Variants in SMIM31 observed in about 807,000 individuals in gnomAD.
The protein encoded by SMIM31 is human epithelial cell program regulator.
Position 164,798,256 on chromosome 4 carries a change from C to T in SMIM31, c.113-2835C>T, listed in dbSNP as rs557036945. 2.8e-4 allele frequency among the ~76,000 whole-genome samples: 42 copies of T among 147,706 alleles called. 1 individual carries two copies. In the South Asian group the frequency reaches 4.9e-3, roughly 17 times the overall value. ...TTTTTTTTTTTTATTTTTTTTGAGA[C>T]GGAGTCTCGCTCTGTCGCCCAGTCT... On this transcript the variant is annotated intron_variant, in intron 2 of 2. Transcript: ENST00000507311.
chr4:164,764,839 T>C (rs866379370), intron 1 of SMIM31, among the ~76,000 whole-genome samples: 65 of 152,190 alleles, frequency 4.3e-4, no homozygotes, highest in African/African-American at 1.5e-3. Flanking sequence ...AGGAGAACTT[T>C]TTAGTTCTGT....
chr4:164,773,481 T>C (rs1283695740), intron 2 of SMIM31, among the ~76,000 whole-genome samples: 1 of 152,134 alleles, frequency 6.6e-6, no homozygotes, highest in Non-Finnish European at 1.5e-5. Flanking sequence ...AACATGTCCT[T>C]CTTCATTTAG....
intron 2 of SMIM31, among the ~76,000 whole-genome samples, chr4:164,785,661 T>C (rs927663296): frequency 1.1e-4 from 17 of 151,920 alleles, no homozygotes; most frequent in African/African-American, 4.1e-4. Flanking sequence ...TATATATATA[T>C]ATATATCTTT....
chr4:164,774,083 A>G (rs1047448519), intron 2 of SMIM31, among the ~76,000 whole-genome samples: 14 of 151,140 alleles, frequency 9.3e-5, no homozygotes, highest in Admixed American at 2.6e-4. Context: ...GGAGAATGGC[A>G]TGAACCCGGG....
chr4:164,768,427 C>CAAAA (rs758951225), intron 1 of SMIM31, among the ~76,000 whole-genome samples: 1 of 94,716 alleles, frequency 1.1e-5, no homozygotes, highest in Non-Finnish European at 2.0e-5. Context: ...CAGTACATCT[C>CAAAA]AAAAAAAAAA....
chr4:164,764,511 G>A (rs372031162), intron 1 of SMIM31, among the ~76,000 whole-genome samples: 1,704 of 149,960 alleles, frequency 0.011, 47 homozygotes, highest in African/African-American at 0.038. Flanking sequence ...AGGTTGCAGT[G>A]AGCCAAGATC....
At chr4:164,762,733 C>T (rs146375792) in intron 1 of SMIM31, among the ~76,000 whole-genome samples, 79 of 150,852 alleles carry the variant, frequency 5.2e-4, no homozygotes, top group African/African-American at 1.8e-3. Flanking sequence ...AATCAGAGCG[C>T]ACAATGCTGC....
intron 1 of SMIM31, among the ~76,000 whole-genome samples, chr4:164,755,652 G>C (rs1272366359): frequency 6.7e-6 from 1 of 149,418 alleles, no homozygotes; most frequent in East Asian, 2.0e-4. Flanking sequence ...AGTATTATGG[G>C]ATATGCCTTG....
At position 164,803,422 on chromosome 4, in the gene SMIM31, A is replaced by G. The variant is rs12649759; in HGVS notation, c.*2228A>G. 0.76 allele frequency: 115,593 copies of G among 151,984 alleles called. 45,311 individuals are homozygous for G. Among genetic ancestry groups the G allele is most frequent in the Non-Finnish European group, 0.86 (58,770 of 68,020 alleles). 9.4% of individuals were successfully genotyped at this position (151,984 alleles called of 1,614,324 possible). A position where few individuals can be genotyped will look rare whatever the true frequency, so the allele number is the denominator to read the frequency against. ...TGAAAGAGAAGACCCTATCTCAAAA[A>G]ATAAAAAATTTTAAAAACCTGTCAA... On this transcript the variant is annotated 3_prime_UTR_variant, in exon 3 of 3. Transcript: ENST00000507311.
intron 2 of SMIM31, among the ~76,000 whole-genome samples, chr4:164,773,029 T>TAAAAAAAA (rs56863708): frequency 5.2e-5 from 4 of 76,670 alleles, no homozygotes; most frequent in African/African-American, 2.0e-4. Flanking sequence ...CACTTGGCTT[T>TAAAAAAAA]AAAAAAAAAA....
intron 1 of SMIM31, among the ~76,000 whole-genome samples, chr4:164,760,898 G>A (rs1468818884): frequency 6.6e-6 from 1 of 152,074 alleles, no homozygotes; most frequent in Non-Finnish European, 1.5e-5. Context: ...GAAATAAAGG[G>A]GGTGAGACAA....
At chr4:164,766,911 T>C (rs983968885) in intron 1 of SMIM31, among the ~76,000 whole-genome samples, 3 of 152,012 alleles carry the variant, frequency 2.0e-5, no homozygotes, top group African/African-American at 7.3e-5. Context: ...AGGTGGTGCT[T>C]GAACTGAAGA....
At chr4:164,760,568 TAA>T (rs557714327) in intron 1 of SMIM31, among the ~76,000 whole-genome samples, 5 of 141,482 alleles carry the variant, frequency 3.5e-5, no homozygotes, top group Admixed American at 7.1e-5. Flanking sequence ...CCAACTCTAC[TAA>T]AAAAAAAAAA....
chr4:164,773,629 C>A (rs113816727), intron 2 of SMIM31, among the ~76,000 whole-genome samples: 10 of 152,194 alleles, frequency 6.6e-5, no homozygotes, highest in African/African-American at 2.4e-4. Context: ...CACCTTGTCC[C>A]TCCCACAACA....
intron 2 of SMIM31, among the ~76,000 whole-genome samples, chr4:164,772,565 AT>A (rs918352897): frequency 2.7e-4 from 30 of 112,870 alleles, no homozygotes; most frequent in South Asian, 6.6e-4. Flanking sequence ...CTGAAGTTTT[AT>A]TTTTTTTATT....
chr4:164,763,257 T>C (rs1732675644), intron 1 of SMIM31, among the ~76,000 whole-genome samples: 2 of 152,320 alleles, frequency 1.3e-5, no homozygotes, highest in African/African-American at 4.8e-5. Flanking sequence ...TGATTTTATT[T>C]CCTATTTCCT....
At chr4:164,766,065 GCT>G (rs1732716946) in intron 1 of SMIM31, among the ~76,000 whole-genome samples, 3 of 152,156 alleles carry the variant, frequency 2.0e-5, no homozygotes, top group Admixed American at 1.3e-4. Flanking sequence ...AGAGCAGTGA[GCT>G]CTGTCAGCAG....
At chr4:164,783,667 A>G (rs1279947216) in intron 2 of SMIM31, among the ~76,000 whole-genome samples, 1 of 152,040 alleles carries the variant, frequency 6.6e-6, no homozygotes, top group Non-Finnish European at 1.5e-5. Flanking sequence ...CTGTAATCCC[A>G]GCTACTTAGC....
intron 2 of SMIM31, among the ~76,000 whole-genome samples, chr4:164,770,901 A>T (rs534652819): frequency 3.9e-5 from 6 of 152,286 alleles, no homozygotes; most frequent in African/African-American, 1.4e-4. Context: ...CCACATGGTT[A>T]CCACATGGTA....
Sources: gnomAD v4.1 joint callset for allele counts (sites outside exome capture counted in the v4.1 genomes callset) on GRCh38, gnomAD v4.1.1 for gene constraint, MANE v1.5 for transcripts, NCBI Gene and HGNC (gene_info 2026-07-23, HGNC 2026-07-21) for gene names.